NCAM1: variants seen among roughly 807,000 people sequenced by gnomAD.
NCAM1 encodes the protein antigen recognized by monoclonal antibody 5.1H11.
NCAM1 carries 14 observed loss-of-function variants against 109.8 expected under a neutral mutation model. The observed-to-expected ratio is 0.13, with a 90% confidence interval of 0.08 to 0.20. The LOEUF is 0.20. Ranked by LOEUF, NCAM1 falls within the 10% of genes least tolerant of loss-of-function variation. The pLI is 1.00. For missense variants in NCAM1, 774 were observed against 1,109.9 expected, an observed-to-expected ratio of 0.70 and a Z score of 4.30; for synonymous variants, 418 against 442.9, an observed-to-expected ratio of 0.94 and a Z score of 0.70.
At chr11:113,159,201 TA>T (rs555595683) in intron 1 of NCAM1, among the ~76,000 whole-genome samples, 2 of 152,140 alleles carry the variant, frequency 1.3e-5, no homozygotes, top group Admixed American at 6.6e-5. Flanking sequence ...CAAGATAATT[TA>T]AAAAAAACTT....
rs73572705 is a variant in NCAM1, at chr11:113,231,075, T to C, written c.1090-570T>C. 3.4e-4 allele frequency: 319 copies of C among 952,182 alleles called. 2 individuals are homozygous for C. The African/African-American group carries it at 4.9e-3, about 15-fold the overall frequency. The allele number at this position is 952,182 out of a possible 1,614,324, so 59.0% of individuals were successfully genotyped here. ...GTGCAGTGGCTCCTGATCTTTGAGT[T>C]GTTTGGCTTGTTTTTACATGTGATT... On this transcript the variant is annotated intron_variant, in intron 9 of 19. Transcript: ENST00000316851.
At chr11:112,971,695 T>G (rs1261093275) in intron 1 of NCAM1, among the ~76,000 whole-genome samples, 1 of 152,096 alleles carries the variant, frequency 6.6e-6, no homozygotes, top group African/African-American at 2.4e-5. Context: ...GATCTTACTG[T>G]CTGTTTGGGA....
At chr11:113,178,866 A>G (rs1292416500) in intron 1 of NCAM1, among the ~76,000 whole-genome samples, 1 of 152,156 alleles carries the variant, frequency 6.6e-6, no homozygotes, top group Non-Finnish European at 1.5e-5. Context: ...CTTTAGTCTC[A>G]TTTGCATCAG....
At chr11:113,008,223 G>A (rs1196770110) in intron 1 of NCAM1, among the ~76,000 whole-genome samples, 3 of 152,166 alleles carry the variant, frequency 2.0e-5, no homozygotes, top group Non-Finnish European at 4.4e-5. Flanking sequence ...GAGGATCAGA[G>A]AATTTAGCCT....
chr11:113,218,581 A>C (rs574391923), intron 8 of NCAM1, among the ~76,000 whole-genome samples: 3 of 152,336 alleles, frequency 2.0e-5, no homozygotes, highest in Admixed American at 2.0e-4. Context: ...GGGGGGAGAT[A>C]AGCAAAAACA....
At chr11:113,052,085 T>G (rs1015530507) in intron 1 of NCAM1, among the ~76,000 whole-genome samples, 1 of 152,196 alleles carries the variant, frequency 6.6e-6, no homozygotes, top group Non-Finnish European at 1.5e-5. Flanking sequence ...CATAGGGAAG[T>G]GTTCAATAAC....
At chr11:113,032,998 C>T (rs1342203027) in intron 1 of NCAM1, among the ~76,000 whole-genome samples, 1 of 152,146 alleles carries the variant, frequency 6.6e-6, no homozygotes, top group Non-Finnish European at 1.5e-5. Flanking sequence ...ACCATAATAA[C>T]GAATTTGATT....
chr11:113,077,597 T>G (rs1555086372), intron 1 of NCAM1, among the ~76,000 whole-genome samples: 1 of 152,180 alleles, frequency 6.6e-6, no homozygotes, highest in African/African-American at 2.4e-5. Flanking sequence ...AAAATGTGTT[T>G]GTTGAATTCA....
At chr11:113,253,565 T>A (rs1374912036) in intron 15 of NCAM1, among the ~76,000 whole-genome samples, 1 of 152,016 alleles carries the variant, frequency 6.6e-6, no homozygotes, top group African/African-American at 2.4e-5. Context: ...TGATGCGGAG[T>A]TCAGAGACAG....
At position 113,207,386 on chromosome 11, in the gene NCAM1, A is replaced by G; in HGVS notation, c.746+8A>G. 1 of 1,601,642 alleles carries G rather than the reference A, an allele frequency of 6.2e-7. No individual in the cohort carries two copies. The highest frequency in any genetic ancestry group is 1.7e-5 in the Admixed American group (1 of 59,970). On this transcript the variant is annotated splice_region_variant and intron_variant, in intron 6 of 19. Coordinates refer to ENST00000316851, the MANE Select transcript of NCAM1 (RefSeq NM_181351.5). Reference sequence around the variant, plus strand: ...CACCATGAGCTGGACAAAGTAAGAAACTGGCTCATACCTTTTATCATGGAC... The same window carrying G: ...CACCATGAGCTGGACAAAGTAAGAAGCTGGCTCATACCTTTTATCATGGAC...
chr11:113,145,826 A>G (rs1941997165), intron 1 of NCAM1, among the ~76,000 whole-genome samples: 2 of 151,632 alleles, frequency 1.3e-5, no homozygotes, highest in African/African-American at 2.4e-5. Flanking sequence ...ATTTAGGCAC[A>G]TCTAAAAGCA....
intron 1 of NCAM1, among the ~76,000 whole-genome samples, chr11:112,979,468 G>T (rs1446986933): frequency 6.6e-6 from 1 of 151,770 alleles, no homozygotes; most frequent in African/African-American, 2.4e-5. Flanking sequence ...ACTGAGCAAT[G>T]GCAGAACAGT....
chr11:113,178,224 AAG>A (rs1943228263), intron 1 of NCAM1, among the ~76,000 whole-genome samples: 1 of 152,210 alleles, frequency 6.6e-6, no homozygotes, highest in Non-Finnish European at 1.5e-5. Flanking sequence ...CTGAGAGCAG[AAG>A]AGAGGCAGGG....
chr11:113,211,851 TG>T (rs782193150), intron 7 of NCAM1, among the ~76,000 whole-genome samples: 7 of 152,110 alleles, frequency 4.6e-5, no homozygotes, highest in Non-Finnish European at 1.0e-4. Flanking sequence ...TGCCTCTTAG[TG>T]GCAAGCATTC....
intron 1 of NCAM1, among the ~76,000 whole-genome samples, chr11:112,980,132 G>C (rs1410206422): frequency 6.6e-6 from 1 of 151,716 alleles, no homozygotes; most frequent in African/African-American, 2.4e-5. Flanking sequence ...GTAAATCAAA[G>C]CCACAGTGAG....
intron 1 of NCAM1, among the ~76,000 whole-genome samples, chr11:113,042,990 C>T (rs1398551508): frequency 3.3e-5 from 5 of 152,154 alleles, no homozygotes; most frequent in African/African-American, 1.2e-4. Context: ...CATTTGTATT[C>T]TCAAATTCTT....
chr11:113,250,190 A>T (rs11214553), intron 15 of NCAM1, among the ~76,000 whole-genome samples: 4,967 of 152,210 alleles, frequency 0.033, 120 homozygotes, highest in South Asian at 0.049. Flanking sequence ...CCACTCTTAC[A>T]CTGCCCGGCT....
chr11:112,981,473 G>T (rs1940728), intron 1 of NCAM1, among the ~76,000 whole-genome samples: 68,032 of 151,336 alleles, frequency 0.45, 16,098 homozygotes, highest in East Asian at 0.8. Context: ...TAGATGGTAT[G>T]TATTGTGTTG....
intron 1 of NCAM1, among the ~76,000 whole-genome samples, chr11:113,123,224 A>T (rs1555096412): frequency 6.6e-6 from 1 of 152,244 alleles, no homozygotes; most frequent in Non-Finnish European, 1.5e-5. Flanking sequence ...AATATTCCCA[A>T]CACAAAGAAA....
Sources: gnomAD v4.1 joint callset for allele counts (sites outside exome capture counted in the v4.1 genomes callset) on GRCh38, gnomAD v4.1.1 for gene constraint, MANE v1.5 for transcripts, NCBI Gene and HGNC (gene_info 2026-07-23, HGNC 2026-07-21) for gene names.